CTNNA3: variants seen among roughly 807,000 people sequenced by gnomAD.
The protein encoded by CTNNA3 is catenin alpha 3.
A neutral mutation model predicts 95.7 loss-of-function variants in CTNNA3; 76 were observed. That is an observed-to-expected ratio of 0.79 (90% CI 0.66 to 0.96). CTNNA3 has a LOEUF of 0.96. CTNNA3 is among the 40% of genes least tolerant of loss of function. The pLI is 0.00. For missense variants in CTNNA3, 1,191 were observed against 1,089.8 expected (o/e 1.09, Z -1.31); for synonymous variants, 431 against 374.4 (o/e 1.15, Z -1.74).
chr10:67,708,028 C>T (rs567316291), intron 1 of CTNNA3, among the ~76,000 whole-genome samples: 46 of 152,164 alleles, frequency 3.0e-4, no homozygotes, highest in African/African-American at 1.0e-3. Context: ...GATGTCAGTC[C>T]GGGTGAATTT....
intron 9 of CTNNA3, among the ~76,000 whole-genome samples, chr10:66,734,553 A>T (rs1252009410): frequency 6.6e-6 from 1 of 152,182 alleles, no homozygotes; most frequent in African/African-American, 2.4e-5. Context: ...TAAATGTAAA[A>T]AAGTGCATTA....
intron 15 of CTNNA3, among the ~76,000 whole-genome samples, chr10:65,995,694 G>A (rs1466933246): frequency 1.3e-5 from 2 of 152,238 alleles, no homozygotes; most frequent in Non-Finnish European, 2.9e-5. Flanking sequence ...TGGGTAGCAT[G>A]CATGGCATGA....
intron 7 of CTNNA3, among the ~76,000 whole-genome samples, chr10:67,089,715 ATATGTGTG>A (rs931250680): frequency 4.3e-5 from 4 of 93,264 alleles, no homozygotes; most frequent in African/African-American, 1.7e-4. Context: ...GTGTATATAC[ATATGTGTG>A]TGTGTGTGTG....
chr10:66,291,506 A>C (rs1444348519), intron 12 of CTNNA3, among the ~76,000 whole-genome samples: 1 of 152,106 alleles, frequency 6.6e-6, no homozygotes, highest in African/African-American at 2.4e-5. Context: ...ACTCACTACC[A>C]ACATTGTTGC....
chr10:67,086,197 T>C (rs1006478706), intron 7 of CTNNA3, among the ~76,000 whole-genome samples: 4 of 151,986 alleles, frequency 2.6e-5, no homozygotes, highest in African/African-American at 9.7e-5. Context: ...AATATAAATT[T>C]TGAAGAAATT....
chr10:66,262,300 C>G (rs10509261), intron 13 of CTNNA3, among the ~76,000 whole-genome samples: 11,046 of 152,014 alleles, frequency 0.073, 515 homozygotes, highest in Admixed American at 0.12. Flanking sequence ...TCACAATGTT[C>G]CATTAATAAA....
At chr10:66,899,140 C>G (rs976861491) in intron 7 of CTNNA3, among the ~76,000 whole-genome samples, 1 of 152,066 alleles carries the variant, frequency 6.6e-6, no homozygotes, top group Non-Finnish European at 1.5e-5. Flanking sequence ...AAGGGAAATG[C>G]AAATCAAAAT....
intron 11 of CTNNA3, among the ~76,000 whole-genome samples, chr10:66,468,621 A>C (rs76818796): frequency 6.6e-6 from 1 of 151,896 alleles, no homozygotes; most frequent in Non-Finnish European, 1.5e-5. Context: ...ATAACTTCTC[A>C]GCACACACAT....
At chr10:67,686,738 C>T (rs751668885) in intron 1 of CTNNA3, among the ~76,000 whole-genome samples, 1 of 152,146 alleles carries the variant, frequency 6.6e-6, no homozygotes, top group Non-Finnish European at 1.5e-5. Context: ...AGGTATGTCA[C>T]TGATTGTGGG....
At chr10:67,673,298 A>G (rs1430693213) in intron 1 of CTNNA3, among the ~76,000 whole-genome samples, 2 of 146,250 alleles carry the variant, frequency 1.4e-5, no homozygotes, top group African/African-American at 5.0e-5. Context: ...CAATCATGTC[A>G]TCTGCAAACA....
chr10:67,521,012 A>G (rs1489503580), intron 5 of CTNNA3, among the ~76,000 whole-genome samples: 2 of 152,182 alleles, frequency 1.3e-5, no homozygotes, highest in African/African-American at 4.8e-5. Flanking sequence ...TCTAGACTCT[A>G]TCCATCATGG....
At chr10:66,879,718 T>G (rs1275600861) in intron 7 of CTNNA3, among the ~76,000 whole-genome samples, 1 of 152,068 alleles carries the variant, frequency 6.6e-6, no homozygotes, top group Non-Finnish European at 1.5e-5. Context: ...CTTGGACTCT[T>G]GTACTGGGAA....
At chr10:67,427,021 T>C (rs1845945418) in intron 5 of CTNNA3, among the ~76,000 whole-genome samples, 1 of 152,070 alleles carries the variant, frequency 6.6e-6, no homozygotes, top group African/African-American at 2.4e-5. Flanking sequence ...TTTAACTTAG[T>C]GCGTGGTAAT....
intron 1 of CTNNA3, among the ~76,000 whole-genome samples, chr10:67,734,273 G>A (rs1317477247): frequency 2.0e-5 from 3 of 152,098 alleles, no homozygotes; most frequent in Admixed American, 2.0e-4. Flanking sequence ...ACTGTGGTCA[G>A]AATCAGTGTG....
chr10:66,992,945 T>C (rs541408233), intron 7 of CTNNA3, among the ~76,000 whole-genome samples: 17 of 152,330 alleles, frequency 1.1e-4, no homozygotes, highest in African/African-American at 3.8e-4. Flanking sequence ...TTAATTGTTA[T>C]AGCTTTATAA....
At chr10:65,953,819 T>C (rs1266487134) in intron 17 of CTNNA3, among the ~76,000 whole-genome samples, 1 of 152,234 alleles carries the variant, frequency 6.6e-6, no homozygotes, top group Non-Finnish European at 1.5e-5. Context: ...AAGTCTTTGC[T>C]ATTGTGAATA....
At position 66,989,477 on chromosome 10, in the gene CTNNA3, A is replaced by G. The variant is rs147240413; in HGVS notation, c.1047+190840T>C. Among the ~76,000 whole-genome samples, 9 of 152,294 alleles carry G rather than the reference A, an allele frequency of 5.9e-5. No homozygotes were observed. In the East Asian group the frequency reaches 1.5e-3, roughly 26 times the overall value. ...TTTTATTTCATTGTGGAATAAAATG[A>G]GTGCTGCAGATGCCACACTATGGTT... On this transcript the variant is annotated intron_variant, in intron 7 of 17. Coordinates refer to ENST00000433211, the MANE Select transcript of CTNNA3 (RefSeq NM_013266.4).
At chr10:67,564,085 C>A (rs1311267482) in intron 3 of CTNNA3, among the ~76,000 whole-genome samples, 2 of 149,694 alleles carry the variant, frequency 1.3e-5, no homozygotes, top group Non-Finnish European at 3.0e-5. Context: ...GACAGTGTGG[C>A]GATTCCTTAA....
intron 5 of CTNNA3, among the ~76,000 whole-genome samples, chr10:67,510,856 C>A (rs1479758953): frequency 2.6e-5 from 4 of 151,986 alleles, no homozygotes; most frequent in Non-Finnish European, 5.9e-5. Flanking sequence ...TGTTTGTGTC[C>A]TCTTATTTCC....
Sources: gnomAD v4.1 joint callset for allele counts (sites outside exome capture counted in the v4.1 genomes callset) on GRCh38, gnomAD v4.1.1 for gene constraint, MANE v1.5 for transcripts, NCBI Gene and HGNC (gene_info 2026-07-23, HGNC 2026-07-21) for gene names.